AKR7A2: variants seen among roughly 807,000 people sequenced by gnomAD.
AKR7A2 encodes aflatoxin B1 aldehyde reductase member 2.
Under a neutral mutation model 37.3 loss-of-function variants are expected in AKR7A2, and 29 were observed. The ratio of observed to expected loss-of-function variants is 0.78; its 90% CI spans 0.58 to 1.06. The LOEUF (loss-of-function observed/expected upper bound fraction) is 1.06. Ranked by LOEUF, AKR7A2 falls within the 50% of genes least tolerant of loss-of-function variation. The pLI is 0.00. For missense variants in AKR7A2, 529 were observed against 497.9 expected, an observed-to-expected ratio of 1.06 and a Z score of -0.59; for synonymous variants, 228 against 217.8, an observed-to-expected ratio of 1.05 and a Z score of -0.41.
Position 19,310,424 on chromosome 1 carries a change from G to A in AKR7A2, c.298+1403C>T, listed in dbSNP as rs551168050. ...TTAATAGTATGTAACGTGGCCGGGC[G>A]TGGTGGCTTACACCTATAATCCCAG... is the stretch of plus-strand genomic sequence containing the variant. On this transcript the variant is annotated intron_variant, in intron 1 of 6. Transcript: ENST00000235835. Among the ~76,000 whole-genome samples, 32 of 151,362 alleles carry A rather than the reference G, an allele frequency of 2.1e-4. 1 individual carries two copies. Among genetic ancestry groups the A allele is most frequent in the South Asian group, 6.2e-4 (3 of 4,818 alleles).
chr1:19,305,438 A>G (rs2093759958), intron 6 of AKR7A2, among the ~76,000 whole-genome samples: 1 of 152,144 alleles, frequency 6.6e-6, no homozygotes, highest in African/African-American at 2.4e-5. Flanking sequence ...CCCAGGCTCA[A>G]GCCATCTTCC....
Position 19,306,060 on chromosome 1 carries a change from G to C in AKR7A2, c.876C>G (p.Thr292=). 1 of 1,614,138 alleles carries C rather than the reference G, an allele frequency of 6.2e-7. No individual in the cohort carries two copies. Among genetic ancestry groups the C allele is most frequent in the Non-Finnish European group, 8.5e-7 (1 of 1,179,954 alleles). Residue 292 remains threonine, a synonymous_variant, in exon 6 of 7, where the codon ACC becomes ACG. Transcript: ENST00000235835. ...GGTACATCCACCGGAGGGCAGCCGA[G>C]GTCACACTGGGGGCGCTGGCGCCAT... The part of the protein sequence containing the change: ...AAYGASAPSV[T]SAALRWMYHH...
At chr1:19,306,186 G>C in intron 5 of AKR7A2, 39 bp from the exon 6 acceptor site, 1 of 1,613,870 alleles carries the variant, frequency 6.2e-7, no homozygotes, top group Non-Finnish European at 8.5e-7. Flanking sequence ...TCAGTACCAT[G>C]GGGGTCACAC....
chr1:19,306,286 T>A (rs1298419152), intron 5 of AKR7A2, 139 bp from the exon 6 acceptor site: 1 of 1,230,374 alleles, frequency 8.1e-7, no homozygotes, highest in Non-Finnish European at 1.2e-6. Flanking sequence ...TAGTCATAGG[T>A]CTCCCACTTT....
chr1:19,310,710 G>T (rs1024271418), intron 1 of AKR7A2, among the ~76,000 whole-genome samples: 1 of 152,076 alleles, frequency 6.6e-6, no homozygotes, highest in Non-Finnish European at 1.5e-5. Flanking sequence ...ATGCAGCCAG[G>T]TGAACTAGAA....
chr1:19,309,947 G>A (rs2473810), intron 1 of AKR7A2, among the ~76,000 whole-genome samples: 411 of 152,102 alleles, frequency 2.7e-3, no homozygotes, highest in African/African-American at 9.4e-3. Flanking sequence ...GTGGTGGCAC[G>A]TGCCTGTAAC....
chr1:19,307,560 T>C, intron 3 of AKR7A2, 150 bp from the exon 4 acceptor site: 2 of 866,190 alleles, frequency 2.3e-6, no homozygotes, highest in South Asian at 3.1e-5. Context: ...GGGAAGGTGT[T>C]GGGCCCAAGG....
chr1:19,306,484 A>G (rs1463451911), intron 5 of AKR7A2, among the ~76,000 whole-genome samples: 1 of 152,024 alleles, frequency 6.6e-6, no homozygotes, highest in African/African-American at 2.4e-5. Flanking sequence ...CCTACACTGG[A>G]GTGCAGTGGC....
chr1:19,312,092 G>GCGGGAGACTACGCGAGACGCGGCA lies in AKR7A2; in HGVS notation c.9_32dup (p.Ser6_Ala13dup), dbSNP rs2093778442. On this transcript the variant is annotated inframe_insertion, in exon 1 of 7. Coordinates refer to ENST00000235835, the MANE Select transcript of AKR7A2 (RefSeq NM_003689.4). ...AGCGAAGCGCGCAGTGGACGGCGGC[G>GCGGGAGACTACGCGAGACGCGGCA]CGGGAGACTACGCGAGACGCGGCAC... The GCGGGAGACTACGCGAGACGCGGCA allele has an allele frequency of 4.0e-5, 53 of 1,336,426 alleles. No homozygotes were observed. The highest frequency in any genetic ancestry group is 5.6e-4 in the Middle Eastern group (2 of 3,598). The allele number at this position is 1,336,426 out of a possible 1,614,324, so 82.8% of individuals were successfully genotyped here.
intron 1 of AKR7A2, among the ~76,000 whole-genome samples, chr1:19,310,563 C>T (rs557585273): frequency 4.6e-5 from 7 of 152,034 alleles, no homozygotes; most frequent in South Asian, 4.2e-4. Context: ...CTGGGCGTGG[C>T]CGTGTGCACC....
In AKR7A2 at chr1:19,306,088, G is replaced by A. The variant is rs2093761159; in HGVS notation, c.848C>T (p.Ala283Val). ...CACACTGGGGGCGCTGGCGCCATAT[G>A]CGGCCTGCAGGGCCTTCTCCACCAA... The part of the protein sequence containing the change: ...IALVEKALQA[A>V]YGASAPSVTS... Residue 283 changes from alanine to valine, a missense_variant, in exon 6 of 7, where the codon GCA (alanine) becomes GTA (valine). Transcript: ENST00000235835. 3 of 1,614,086 alleles carry A rather than the reference G, an allele frequency of 1.9e-6. No homozygotes were observed. The African/African-American group carries it at 4.0e-5, about 22-fold the overall frequency.
At position 19,308,101 on chromosome 1, in the gene AKR7A2, G is replaced by C. The variant is rs192589681; in HGVS notation, c.591+57C>G. ...CAGGGGGCAGTCAGGGGGGCAAAGA[G>C]AGCCCAGGATTAGCAGGAGTCCTGG... On this transcript the variant is annotated intron_variant, in intron 3 of 6. Transcript: ENST00000235835. 1,319 of 1,606,840 alleles carry C rather than the reference G, an allele frequency of 8.2e-4. 7 individuals are homozygous for C. The African/African-American group carries it at 0.014, about 18-fold the overall frequency.
chr1:19,308,425 C>T, intron 2 of AKR7A2, 30 bp downstream of exon 2: 1 of 1,611,116 alleles, frequency 6.2e-7, no homozygotes, highest in Non-Finnish European at 8.5e-7. Context: ...GAGCAGGAGC[C>T]CACCTTTGGA....
At chr1:19,305,288 A>T (rs927051608) in intron 6 of AKR7A2, 1 of 154,374 alleles carries the variant, frequency 6.5e-6, no homozygotes, top group Non-Finnish European at 1.4e-5. Context: ...GACACTATGC[A>T]ACATGGAAGG....
chr1:19,307,162 C>T, intron 4 of AKR7A2, 61 bp from the exon 5 acceptor site: 4 of 1,600,158 alleles, frequency 2.5e-6, no homozygotes, highest in Non-Finnish European at 3.4e-6. Context: ...CCACATCCCT[C>T]AGGGCTCTGG....
Position 19,312,063 on chromosome 1 carries a change from G to T in AKR7A2, c.62C>A (p.Pro21Gln), listed in dbSNP as rs148182255. 66,735 of 1,361,496 alleles carry T rather than the reference G, an allele frequency of 0.049. 1,882 individuals carry two copies. The highest frequency in any genetic ancestry group is 0.058 in the Non-Finnish European group (61,408 of 1,065,200). The allele number at this position is 1,361,496 out of a possible 1,614,324, so 84.3% of individuals were successfully genotyped here. A position where few individuals can be genotyped will look rare whatever the true frequency, so the allele number is the denominator to read the frequency against. Residue 21 changes from proline (P) to glutamine (Q), a missense_variant, in exon 1 of 7, where the codon CCG (proline) becomes CAG (glutamine). By Grantham distance (76) the Pro-to-Gln change is moderately conservative. Coordinates refer to ENST00000235835, the MANE Select transcript of AKR7A2 (RefSeq NM_003689.4). Reference sequence around the variant, plus strand: ...GGCGAGCGCGCGGGCCTCGGGCGGCGGAGAGCGAAGCGCGCAGTGGACGGC... The same window carrying T: ...GGCGAGCGCGCGGGCCTCGGGCGGCTGAGAGCGAAGCGCGCAGTGGACGGC... ...RAAVHCALRS[P>Q]PPEARALAMS...
At chr1:19,307,438 G>A in intron 3 of AKR7A2, 28 bp from the exon 4 acceptor site, 1 of 1,612,808 alleles carries the variant, frequency 6.2e-7, no homozygotes, top group Non-Finnish European at 8.5e-7. Context: ...CCGGGGACAG[G>A]GTGGACATGT....
At position 19,311,952 on chromosome 1, in the gene AKR7A2, G is replaced by A; in HGVS notation, c.173C>T (p.Ala58Val). ...GRRMDAPASA[A>V]AVRAFLERGH... ...GCGCTCCAGAAAGGCGCGCACGGCCGCGGCGCTGGCGGGCGCGTCCATGCG... is the reference window on the plus strand; with the variant it reads ...GCGCTCCAGAAAGGCGCGCACGGCCACGGCGCTGGCGGGCGCGTCCATGCG... The change falls in exon 1 of 7, where the codon GCG becomes GTG. Residue 58 changes from alanine (A) to valine (V), a missense_variant. Physicochemically the swap from Ala to Val is moderately conservative, Grantham distance 64. Coordinates refer to ENST00000235835, the MANE Select transcript of AKR7A2 (RefSeq NM_003689.4). The A allele has an allele frequency of 1.9e-6, 3 of 1,586,314 alleles. No individual in the cohort carries two copies. The highest frequency in any genetic ancestry group is 1.7e-6 in the Non-Finnish European group (2 of 1,167,570).
chr1:19,304,153 G>A lies in AKR7A2; in HGVS notation c.*72C>T, dbSNP rs984297091. On this transcript the variant is annotated 3_prime_UTR_variant, in exon 7 of 7. Coordinates refer to ENST00000235835, the MANE Select transcript of AKR7A2 (RefSeq NM_003689.4). ...AAAAACCCTTCTAAGTCAGCTTAAG[G>A]CCAAGACTGGTCAGTGTGAGAGAAC... 1.7e-5 allele frequency: 27 copies of A among 1,611,170 alleles called. No individual in the cohort carries two copies. The highest frequency in any genetic ancestry group is 2.2e-5 in the Non-Finnish European group (26 of 1,177,424).
Sources: allele counts gnomAD v4.1 joint callset (sites outside exome capture counted in the v4.1 genomes callset), GRCh38; gene constraint gnomAD v4.1.1; transcripts MANE v1.5; gene names NCBI Gene and HGNC (gene_info 2026-07-23, HGNC 2026-07-21).